Variants in SETBP1 observed in about 807,000 individuals in gnomAD.
SETBP1 encodes the protein SET binding protein 1.
A neutral mutation model predicts 101.0 loss-of-function variants in SETBP1; 9 were observed. The observed-to-expected ratio is 0.09, with a 90% confidence interval of 0.05 to 0.16. The LOEUF (loss-of-function observed/expected upper bound fraction) is 0.16. SETBP1 is among the 10% of genes least tolerant of loss of function. The probability of loss-of-function intolerance (pLI) is 1.00; values close to 1 mark genes in which losing one functional copy is unlikely to be tolerated. For synonymous variants in SETBP1, 818 were observed against 788.5 expected (o/e 1.04, Z -0.63); for missense variants, 1,858 against 2,033.8 (o/e 0.91, Z 1.66).
Position 44,953,095 on chromosome 18 carries a change from G to T in SETBP1, c.3755G>T (p.Ser1252Ile). 6.2e-7 allele frequency: 1 copy of T among 1,614,212 alleles called. No homozygotes were observed. Among genetic ancestry groups the T allele is most frequent in the Non-Finnish European group, 8.5e-7 (1 of 1,180,042 alleles). Residue 1252 changes from serine to isoleucine, a missense_variant, in exon 4 of 6, where the codon AGC becomes ATC. Coordinates refer to ENST00000649279, the MANE Select transcript of SETBP1 (RefSeq NM_015559.3). The part of the protein sequence containing the change: ...WTQAKEKGDL[S>I]SEPVDSCTKR... ...CAGGCCAAGGAAAAAGGAGACTTGAGCAGTGAGCCTGTGGACTCATGCACG... is the reference window on the plus strand; with the variant it reads ...CAGGCCAAGGAAAAAGGAGACTTGATCAGTGAGCCTGTGGACTCATGCACG...
intron 4 of SETBP1, among the ~76,000 whole-genome samples, chr18:44,969,474 A>G (rs1411904304): frequency 6.6e-6 from 1 of 152,230 alleles, no homozygotes; most frequent in African/African-American, 2.4e-5. Context: ...CTCCTTCCCA[A>G]GCCTTTCCTG....
Position 44,807,119 on chromosome 18 carries a change from G to A in SETBP1, c.487-62111G>A, listed in dbSNP as rs150418488. Among the ~76,000 whole-genome samples the A allele has an allele frequency of 5.7e-3, 865 of 152,122 alleles. 9 individuals are homozygous for A. The highest frequency in any genetic ancestry group is 0.02 in the African/African-American group (811 of 41,496). The stretch of plus-strand genomic sequence containing the variant: ...CAGTGGGAATCTTATATTTTTTTCT[G>A]TGGCAATCATTTTGCATAGCACAAA... On this transcript the variant is annotated intron_variant, in intron 2 of 5. Coordinates refer to ENST00000649279, the MANE Select transcript of SETBP1 (RefSeq NM_015559.3).
chr18:45,063,617 G>A lies in SETBP1; in HGVS notation c.4710G>A (p.Gln1570=), dbSNP rs905918763. 1 of 1,573,290 alleles carries A rather than the reference G, an allele frequency of 6.4e-7. No homozygotes were observed. Among genetic ancestry groups the A allele is most frequent in the South Asian group, 1.1e-5 (1 of 88,906 alleles). ...PAQPPQQSPP[Q]QPLPQEEEVK... Reference sequence around the variant, plus strand: ...AGCCCCCACAGCAGTCGCCCCCGCAGCAGCCCCTTCCCCAGGAAGAGGAGG... The same window carrying A: ...AGCCCCCACAGCAGTCGCCCCCGCAACAGCCCCTTCCCCAGGAAGAGGAGG... The change falls in exon 6 of 6, where the codon CAG becomes CAA. Residue 1570 remains glutamine, a synonymous_variant. Coordinates refer to ENST00000649279, the MANE Select transcript of SETBP1 (RefSeq NM_015559.3).
At chr18:45,031,698 A>C (rs1340018714) in intron 4 of SETBP1, among the ~76,000 whole-genome samples, 1 of 152,198 alleles carries the variant, frequency 6.6e-6, no homozygotes, top group Admixed American at 6.6e-5. Context: ...CTACCAAGCT[A>C]GGTGCCGGGG....
At chr18:44,752,250 G>A (rs1231713202) in intron 2 of SETBP1, among the ~76,000 whole-genome samples, 1 of 152,208 alleles carries the variant, frequency 6.6e-6, no homozygotes, top group Non-Finnish European at 1.5e-5. Flanking sequence ...AGACACTGCA[G>A]GACTCCAGTG....
At chr18:44,793,708 C>A (rs745393186) in intron 2 of SETBP1, among the ~76,000 whole-genome samples, 2 of 152,164 alleles carry the variant, frequency 1.3e-5, no homozygotes, top group African/African-American at 2.4e-5. Flanking sequence ...CAAGATCAAG[C>A]CAAGGCCACA....
At chr18:44,930,196 T>A (rs1347859986) in intron 3 of SETBP1, among the ~76,000 whole-genome samples, 1 of 152,238 alleles carries the variant, frequency 6.6e-6, no homozygotes, top group Non-Finnish European at 1.5e-5. Flanking sequence ...GAGATATTCA[T>A]GTGGTTTTTG....
intron 1 of SETBP1, among the ~76,000 whole-genome samples, chr18:44,689,507 AT>A (rs542003701): frequency 4.6e-5 from 7 of 152,170 alleles, no homozygotes; most frequent in Non-Finnish European, 8.8e-5. Flanking sequence ...ATTATTATTG[AT>A]TGTGACCAGA....
intron 3 of SETBP1, among the ~76,000 whole-genome samples, chr18:44,918,095 G>T (rs1277887143): frequency 6.6e-6 from 1 of 152,160 alleles, no homozygotes; most frequent in Non-Finnish European, 1.5e-5. Context: ...GTGCTGCCGA[G>T]CCATTCATAC....
intron 2 of SETBP1, among the ~76,000 whole-genome samples, chr18:44,706,591 CAAAAAAAAAAAAA>C (rs1018470585): frequency 0.015 from 262 of 16,988 alleles, 4 homozygotes; most frequent in Non-Finnish European, 0.019. Context: ...GACTCAATCT[CAAAAAAAAAAAAA>C]AAAAAAAAAA....
At chr18:44,684,158 A>G (rs1288841670) in intron 1 of SETBP1, among the ~76,000 whole-genome samples, 3 of 152,142 alleles carry the variant, frequency 2.0e-5, no homozygotes, top group Non-Finnish European at 2.9e-5. Flanking sequence ...TTCCATTCCT[A>G]TCCTGTGGCA....
At chr18:44,764,048 G>A (rs1472538264) in intron 2 of SETBP1, among the ~76,000 whole-genome samples, 1 of 152,210 alleles carries the variant, frequency 6.6e-6, no homozygotes, top group Non-Finnish European at 1.5e-5. Context: ...AGTAGCTAGA[G>A]TAATCATTTA....
chr18:44,760,852 G>C (rs2070623625), intron 2 of SETBP1, among the ~76,000 whole-genome samples: 1 of 152,002 alleles, frequency 6.6e-6, no homozygotes, highest in Non-Finnish European at 1.5e-5. Context: ...AGAAATAAAG[G>C]ACATACAAAA....
At chr18:44,926,757 C>T (rs1194476777) in intron 3 of SETBP1, among the ~76,000 whole-genome samples, 1 of 141,286 alleles carries the variant, frequency 7.1e-6, no homozygotes, top group Non-Finnish European at 1.5e-5. Flanking sequence ...AACAAACAAA[C>T]AAACAAACAA....
chr18:44,882,953 T>C (rs147693950), intron 3 of SETBP1, among the ~76,000 whole-genome samples: 1 of 152,284 alleles, frequency 6.6e-6, no homozygotes, highest in East Asian at 1.9e-4. Context: ...GAGGCAGAGC[T>C]TGTCTCCTGC....
intron 4 of SETBP1, among the ~76,000 whole-genome samples, chr18:44,985,807 T>C (rs2072218510): frequency 6.6e-6 from 1 of 152,152 alleles, no homozygotes; most frequent in Admixed American, 6.5e-5. Flanking sequence ...AAAAGTACCA[T>C]GATTTCCTCA....
chr18:44,751,470 T>C (rs1359866471), intron 2 of SETBP1, among the ~76,000 whole-genome samples: 1 of 152,238 alleles, frequency 6.6e-6, no homozygotes, highest in Non-Finnish European at 1.5e-5. Flanking sequence ...CCCCTTTCTC[T>C]TTTTCTACCA....
At chr18:44,858,659 TG>T (rs1198511880) in intron 2 of SETBP1, among the ~76,000 whole-genome samples, 71 of 152,294 alleles carry the variant, frequency 4.7e-4, no homozygotes, top group African/African-American at 1.6e-3. Flanking sequence ...TGAAGATAGT[TG>T]TCTTCCTTGA....
Position 44,857,986 on chromosome 18 carries a change from C to A in SETBP1, c.487-11244C>A, listed in dbSNP as rs530966881. 2.0e-5 allele frequency among the ~76,000 whole-genome samples: 3 copies of A among 152,222 alleles called. No individual in the cohort carries two copies. In the South Asian group the frequency reaches 6.2e-4, roughly 32 times the overall value. ...CAGGATTGTATGAGACGCAAATACA[C>A]ACATACATAGCCCAGAAAAGGAGAG... On this transcript the variant is annotated intron_variant, in intron 2 of 5. Transcript: ENST00000649279.
Sources: gnomAD v4.1 joint callset for allele counts (sites outside exome capture counted in the v4.1 genomes callset) on GRCh38, gnomAD v4.1.1 for gene constraint, MANE v1.5 for transcripts, NCBI Gene and HGNC (gene_info 2026-07-23, HGNC 2026-07-21) for gene names.